GRM5: variants seen among roughly 807,000 people sequenced by gnomAD.
The protein encoded by GRM5 is glutamate metabotropic receptor 5, also known as metabotropic glutamate receptor 5.
Under a neutral mutation model 83.1 loss-of-function variants are expected in GRM5, and 19 were observed. The observed-to-expected ratio is 0.23, with a 90% confidence interval of 0.16 to 0.34. GRM5 has a LOEUF of 0.34. Among genes scored for constraint, GRM5 ranks in the 10% least tolerant of loss-of-function variants. The pLI is 1.00. For missense variants in GRM5, 1,160 were observed against 1,588.3 expected, an observed-to-expected ratio of 0.73 and a Z score of 4.58; for synonymous variants, 675 against 633.6, an observed-to-expected ratio of 1.07 and a Z score of -0.98.
chr11:88,738,219 A>AGAT (rs1941959295), intron 3 of GRM5, among the ~76,000 whole-genome samples: 1 of 152,042 alleles, frequency 6.6e-6, no homozygotes, highest in African/African-American at 2.4e-5. Flanking sequence ...GAGTGAAAAA[A>AGAT]GATTATATAA....
intron 2 of GRM5, among the ~76,000 whole-genome samples, chr11:88,975,247 G>A (rs777101412): frequency 2.1e-4 from 32 of 152,266 alleles, no homozygotes; most frequent in African/African-American, 3.6e-4. Flanking sequence ...TTCACAAACC[G>A]TGATGGCAGC....
intron 2 of GRM5, among the ~76,000 whole-genome samples, chr11:88,918,892 A>C (rs1183228876): frequency 6.6e-6 from 1 of 151,720 alleles, no homozygotes; most frequent in Non-Finnish European, 1.5e-5. Flanking sequence ...AAAATATAAA[A>C]ACACACACAC....
At chr11:88,863,955 G>A (rs1161947425) in intron 2 of GRM5, among the ~76,000 whole-genome samples, 1 of 151,412 alleles carries the variant, frequency 6.6e-6, no homozygotes, top group Non-Finnish European at 1.5e-5. Context: ...CTATAATAGA[G>A]ACTCCCTTTT....
intron 2 of GRM5, among the ~76,000 whole-genome samples, chr11:88,856,364 CCTA>C (rs1229222961): frequency 6.6e-6 from 1 of 151,966 alleles, no homozygotes; most frequent in Non-Finnish European, 1.5e-5. Flanking sequence ...TTAACCTAGG[CCTA>C]CACAGGCCAG....
At chr11:88,679,536 C>CATCTATT (rs971567520) in intron 3 of GRM5, among the ~76,000 whole-genome samples, 2 of 152,136 alleles carry the variant, frequency 1.3e-5, no homozygotes, top group Admixed American at 1.3e-4. Context: ...ATCCCTCTAT[C>CATCTATT]ATCTATTATC....
At chr11:88,945,657 A>C in intron 2 of GRM5, among the ~76,000 whole-genome samples, 1 of 152,106 alleles carries the variant, frequency 6.6e-6, no homozygotes, top group East Asian at 1.9e-4. Context: ...TATTCAATCA[A>C]TGTTGCTGGA....
chr11:88,591,641 C>A (rs1937641697), intron 6 of GRM5, among the ~76,000 whole-genome samples: 1 of 152,108 alleles, frequency 6.6e-6, no homozygotes, highest in South Asian at 2.1e-4. Context: ...CTAGTAATGA[C>A]CTTTGATAAT....
intron 1 of GRM5, among the ~76,000 whole-genome samples, chr11:89,048,329 A>T (rs544489292): frequency 1.8e-4 from 28 of 152,306 alleles, no homozygotes; most frequent in African/African-American, 4.8e-4. Context: ...CTAAATCTTG[A>T]GTGTGGCAGG....
chr11:89,056,743 C>T (rs1941883602), intron 1 of GRM5, among the ~76,000 whole-genome samples: 1 of 152,004 alleles, frequency 6.6e-6, no homozygotes, highest in Non-Finnish European at 1.5e-5. Context: ...AATATGGTGA[C>T]ATTTAATTCA....
intron 4 of GRM5, among the ~76,000 whole-genome samples, chr11:88,646,632 G>A (rs757070740): frequency 7.0e-6 from 1 of 142,796 alleles, no homozygotes; most frequent in Non-Finnish European, 1.6e-5. Context: ...TAGGTAGGAT[G>A]GAGAAGGAAG....
chr11:88,539,775 C>T (rs1169617022), intron 8 of GRM5, among the ~76,000 whole-genome samples: 11 of 152,272 alleles, frequency 7.2e-5, no homozygotes, highest in African/African-American at 1.7e-4. Context: ...CCCTAATTTA[C>T]GCTGCTGCGA....
intron 7 of GRM5, among the ~76,000 whole-genome samples, chr11:88,588,680 T>A (rs1160131906): frequency 6.6e-6 from 1 of 152,206 alleles, no homozygotes; most frequent in Non-Finnish European, 1.5e-5. Context: ...AGAGAAATTA[T>A]ATGACCACAA....
At chr11:88,566,533 C>A (rs1280644951) in intron 8 of GRM5, among the ~76,000 whole-genome samples, 1 of 152,182 alleles carries the variant, frequency 6.6e-6, no homozygotes, top group Non-Finnish European at 1.5e-5. Context: ...CCATTAAGAA[C>A]TAAAATATAA....
At chr11:88,524,301 T>A (rs1941805256) in intron 9 of GRM5, among the ~76,000 whole-genome samples, 1 of 144,480 alleles carries the variant, frequency 6.9e-6, no homozygotes, top group African/African-American at 2.6e-5. Flanking sequence ...CACTGCAACC[T>A]CTGCCTCCTG....
intron 2 of GRM5, among the ~76,000 whole-genome samples, chr11:88,897,685 A>G (rs1360363608): frequency 6.6e-6 from 1 of 151,894 alleles, no homozygotes; most frequent in African/African-American, 2.4e-5. Context: ...ATGCATAGGA[A>G]AGACCACCTG....
At chr11:88,879,649 A>G (rs1316576607) in intron 2 of GRM5, among the ~76,000 whole-genome samples, 5 of 152,086 alleles carry the variant, frequency 3.3e-5, no homozygotes, top group African/African-American at 7.2e-5. Flanking sequence ...ACCTTTCTGT[A>G]TTTATATGAG....
intron 3 of GRM5, among the ~76,000 whole-genome samples, chr11:88,775,630 G>T (rs1261905070): frequency 2.0e-5 from 3 of 152,106 alleles, no homozygotes; most frequent in South Asian, 4.1e-4. Context: ...AGAGATTCTG[G>T]TATGTTGTGT....
chr11:88,657,741 A>AT (rs200998796), intron 3 of GRM5, among the ~76,000 whole-genome samples: 1,531 of 151,890 alleles, frequency 0.01, 17 homozygotes, highest in East Asian at 0.066. Flanking sequence ...TTACCCTGCT[A>AT]TTTTTTTTCC....
At chr11:88,689,503 A>G (rs76531052) in intron 3 of GRM5, among the ~76,000 whole-genome samples, 82 of 152,328 alleles carry the variant, frequency 5.4e-4, no homozygotes, top group Non-Finnish European at 1.1e-3. Context: ...AGCATGGCTT[A>G]TTCTGGGCTC....
Sources: allele counts gnomAD v4.1 joint callset (sites outside exome capture counted in the v4.1 genomes callset), GRCh38; gene constraint gnomAD v4.1.1; transcripts MANE v1.5; gene names NCBI Gene and HGNC (gene_info 2026-07-23, HGNC 2026-07-21).